The following EMSY variants were observed in gnomAD, a reference collection of about 807,000 sequenced individuals.
EMSY encodes the protein BRCA2-interacting transcriptional repressor EMSY.
A neutral mutation model predicts 134.6 loss-of-function variants in EMSY; 26 were observed. The ratio of observed to expected loss-of-function variants is 0.19; its 90% confidence interval spans 0.14 to 0.27. The LOEUF (loss-of-function observed/expected upper bound fraction) is 0.27, where lower values mean the gene tolerates loss of function less well. EMSY is among the 10% of genes least tolerant of loss of function. The pLI, the probability that EMSY is intolerant of heterozygous loss-of-function variation, is 1.00. For missense variants in EMSY, 1,305 were observed against 1,611.4 expected (o/e 0.81, Z 3.26); for synonymous variants, 579 against 577.8 (o/e 1.00, Z -0.03).
Position 76,451,970 on chromosome 11 carries a change from A to G in EMSY, c.170+13A>G. 1 of 1,498,966 alleles carries G rather than the reference A, an allele frequency of 6.7e-7. No homozygotes were observed. Among genetic ancestry groups the G allele is most frequent in the South Asian group, 1.3e-5 (1 of 77,256 alleles). 92.9% of individuals were successfully genotyped at this position (1,498,966 alleles called of 1,614,324 possible). On this transcript the variant is annotated intron_variant, in intron 3 of 20. Transcript: ENST00000334736. The stretch of plus-strand genomic sequence containing the variant: ...CAAAAGTTCTTAGGTAAATTATTGT[A>G]AATGTTTGTGAGACTCTAGAAATTT...
chr11:76,454,375 A>G (rs1947789560), intron 4 of EMSY, among the ~76,000 whole-genome samples: 1 of 151,984 alleles, frequency 6.6e-6, no homozygotes, highest in Non-Finnish European at 1.5e-5. Flanking sequence ...AGTGGTAGGT[A>G]TGCACTGTAG....
intron 8 of EMSY, among the ~76,000 whole-genome samples, chr11:76,484,937 A>C (rs200025132): frequency 0.017 from 2,549 of 152,064 alleles, 49 homozygotes; most frequent in East Asian, 0.093. Flanking sequence ...TCAAAAAAAA[A>C]AAAAAACCTA....
intron 20 of EMSY, 25 bp downstream of exon 21, chr11:76,546,322 A>G: frequency 6.3e-7 from 1 of 1,585,656 alleles, no homozygotes; most frequent in Non-Finnish European, 8.6e-7. Flanking sequence ...GAAAATGAGA[A>G]ATCTTGTGCA....
At position 76,544,841 on chromosome 11, in the gene EMSY, C is replaced by T. The variant is rs1369824604; in HGVS notation, c.3273+19C>T. The T allele has an allele frequency of 4.4e-6, 7 of 1,602,800 alleles. No homozygotes were observed. The South Asian group carries it at 6.6e-5, about 15-fold the overall frequency. ...AAGCCAGGTAACGGAATATTGATAG[C>T]ATGCAAAGTTAAACTTCTCTGTTCA... On this transcript the variant is annotated intron_variant, in intron 19 of 20. Transcript: ENST00000334736.
intron 12 of EMSY, among the ~76,000 whole-genome samples, chr11:76,526,083 G>T (rs920758348): frequency 6.6e-6 from 1 of 151,988 alleles, no homozygotes; most frequent in African/African-American, 2.4e-5. Flanking sequence ...TGTATGTGGG[G>T]GTTAAGACTT....
At chr11:76,538,416 T>C (rs1409194635) in intron 16 of EMSY, among the ~76,000 whole-genome samples, 1 of 152,060 alleles carries the variant, frequency 6.6e-6, no homozygotes, top group South Asian at 2.1e-4. Context: ...TGTGCCACTA[T>C]GCCTGGTTAA....
intron 1 of EMSY, 42 bp from the exon 2 acceptor site, chr11:76,446,858 T>G: frequency 7.2e-7 from 1 of 1,380,466 alleles, no homozygotes; most frequent in Non-Finnish European, 1.0e-6. Context: ...TGAATGTACT[T>G]TGGTACTTTG....
chr11:76,530,868 A>T (rs1157197269), intron 14 of EMSY, among the ~76,000 whole-genome samples: 1 of 152,208 alleles, frequency 6.6e-6, no homozygotes, highest in Non-Finnish European at 1.5e-5. Flanking sequence ...AGTACTACAT[A>T]GTTTATTTTT....
intron 10 of EMSY, among the ~76,000 whole-genome samples, chr11:76,513,767 G>C (rs1019877029): frequency 1.3e-5 from 2 of 151,892 alleles, no homozygotes; most frequent in African/African-American, 4.8e-5. Flanking sequence ...TAATTTCTTA[G>C]GTATCTAGTT....
Position 76,544,606 on chromosome 11 carries a change from GCA to G in EMSY, c.3064_3065del (p.Gln1022AlafsTer35), listed in dbSNP as rs1169955808. The G allele has an allele frequency of 6.2e-7, 1 of 1,614,004 alleles. No homozygotes were observed. Among genetic ancestry groups the G allele is most frequent in the Non-Finnish European group, 8.5e-7 (1 of 1,180,030 alleles). ...AAGCACAGCCCAAGCCAGATGTACAGCACACACAGCATCCCATGGTGGCCAAA... is the reference window on the plus strand; with the variant it reads ...AAGCACAGCCCAAGCCAGATGTACAGCACACAGCATCCCATGGTGGCCAAA... On this transcript the variant is annotated frameshift_variant, in exon 19 of 21. Transcript: ENST00000334736. LOFTEE classifies it high-confidence loss of function.
At chr11:76,520,479 A>G (rs1209547087) in intron 11 of EMSY, among the ~76,000 whole-genome samples, 1 of 152,192 alleles carries the variant, frequency 6.6e-6, no homozygotes, top group Non-Finnish European at 1.5e-5. Context: ...AGTTAATCAC[A>G]TGTGAGGGAT....
At chr11:76,461,697 T>G (rs184570496) in intron 6 of EMSY, among the ~76,000 whole-genome samples, 257 of 148,770 alleles carry the variant, frequency 1.7e-3, no homozygotes, top group African/African-American at 6.2e-3. Flanking sequence ...TTTGGGAGGC[T>G]GAGGTGGGTG....
intron 8 of EMSY, among the ~76,000 whole-genome samples, chr11:76,483,378 G>T (rs1949056856): frequency 6.6e-6 from 1 of 152,148 alleles, no homozygotes; most frequent in Non-Finnish European, 1.5e-5. Flanking sequence ...GCATCATAAT[G>T]ACAGGATCAG....
intron 17 of EMSY, 28 bp from the exon 19 acceptor site, chr11:76,542,188 G>T: frequency 6.2e-7 from 1 of 1,613,512 alleles, no homozygotes; most frequent in Non-Finnish European, 8.5e-7. Flanking sequence ...GATTTCTGGA[G>T]AAATATCATC....
exon 21 of EMSY, chr11:76,550,677 C>G (rs1951812097): frequency 1.3e-5 from 2 of 152,276 alleles, no homozygotes; most frequent in Non-Finnish European, 2.9e-5. Context: ...ATTAAAGAAT[C>G]CTTGTTGGAT....
intron 14 of EMSY, among the ~76,000 whole-genome samples, chr11:76,530,051 A>ACAT (rs1950979070): frequency 1.3e-5 from 2 of 152,218 alleles, no homozygotes; most frequent in East Asian, 3.9e-4. Flanking sequence ...GTCTGTATAT[A>ACAT]CATAATCCTA....
Position 76,499,811 on chromosome 11 carries a change from A to G in EMSY, c.1363+3342A>G, listed in dbSNP as rs1949790815. ...TGTTTTCTTAGCGTTTGCTTATGGT[A>G]TTACAGTATACATGTGTTGGCCATG... On this transcript the variant is annotated intron_variant, in intron 9 of 20. Coordinates refer to ENST00000334736, the Ensembl canonical transcript of EMSY. Among the ~76,000 whole-genome samples, 4 of 152,040 alleles carry G rather than the reference A, an allele frequency of 2.6e-5. No individual in the cohort carries two copies. The South Asian group carries it at 8.3e-4, about 32-fold the overall frequency.
chr11:76,468,041 C>T (rs1046907988), intron 7 of EMSY, among the ~76,000 whole-genome samples: 2 of 151,392 alleles, frequency 1.3e-5, no homozygotes, highest in Non-Finnish European at 2.9e-5. Flanking sequence ...CAGTAAATGT[C>T]ACCTAACACT....
At chr11:76,483,657 A>C (rs1251344247) in intron 8 of EMSY, among the ~76,000 whole-genome samples, 2 of 152,140 alleles carry the variant, frequency 1.3e-5, no homozygotes, top group African/African-American at 4.8e-5. Context: ...AGACAAGGGC[A>C]TTACATAATG....
Sources: gnomAD v4.1 joint callset for allele counts (sites outside exome capture counted in the v4.1 genomes callset) on GRCh38, gnomAD v4.1.1 for gene constraint, MANE v1.5 for transcripts, NCBI Gene and HGNC (gene_info 2026-07-23, HGNC 2026-07-21) for gene names.